Variants in SKI observed in about 807,000 individuals in gnomAD.
SKI encodes ski oncogene.
A neutral mutation model predicts 59.3 loss-of-function variants in SKI; 23 were observed. The observed-to-expected ratio is 0.39, with a 90% CI of 0.28 to 0.55. SKI has a LOEUF of 0.55. Ranked by LOEUF, SKI falls within the 20% of genes least tolerant of loss-of-function variation. The pLI, the probability that SKI is intolerant of heterozygous loss-of-function variation, is 0.67. For synonymous variants in SKI, 673 were observed against 488.6 expected, an observed-to-expected ratio of 1.38 and a Z score of -4.98; for missense variants, 1,017 against 1,038.9, an observed-to-expected ratio of 0.98 and a Z score of 0.29.
chr1:2,300,612 T>C (rs1271757394), intron 1 of SKI, among the ~76,000 whole-genome samples: 1 of 152,088 alleles, frequency 6.6e-6, no homozygotes, highest in African/African-American at 2.4e-5. Context: ...CCTCTGAGAG[T>C]GTCACTTCCT....
intron 6 of SKI, 38 bp downstream of exon 6, chr1:2,306,288 G>C: frequency 2.0e-6 from 3 of 1,500,656 alleles, no homozygotes; most frequent in Non-Finnish European, 2.7e-6. Flanking sequence ...CAGCACGGTG[G>C]GCGTGGAGCC....
Position 2,308,505 on chromosome 1 carries a change from G to A in SKI, c.*1740G>A, listed in dbSNP as rs1296083036. 6.6e-6 allele frequency: 1 copy of A among 152,218 alleles called. No individual in the cohort carries two copies. The highest frequency in any genetic ancestry group is 2.4e-5 in the African/African-American group (1 of 41,438). The allele number at this position is 152,218 out of a possible 1,614,324, so 9.4% of individuals were successfully genotyped here. A position where few individuals can be genotyped will look rare whatever the true frequency, so the allele number is the denominator to read the frequency against. Reference sequence around the variant, plus strand: ...GCATGGATTCCACACCTCTGCCGTAGGTAGATCCGTCAGCGGGCATTATTA... The same window carrying A: ...GCATGGATTCCACACCTCTGCCGTAAGTAGATCCGTCAGCGGGCATTATTA... On this transcript the variant is annotated 3_prime_UTR_variant, in exon 7 of 7. Transcript: ENST00000378536.
At chr1:2,259,592 G>T (rs746276934) in intron 1 of SKI, among the ~76,000 whole-genome samples, 19 of 152,296 alleles carry the variant, frequency 1.2e-4, no homozygotes, top group Non-Finnish European at 2.1e-4. Flanking sequence ...TATATTTAAA[G>T]ATACAGTTAG....
chr1:2,228,951 C>T lies in SKI; in HGVS notation c.185C>T (p.Ala62Val). Reference protein sequence around the residue: ...AKEAGAAAVPAPVPAATEPPP... With the variant: ...AKEAGAAAVPVPVPAATEPPP... Reference sequence around the variant, plus strand: ...GAGGCGGGCGCGGCCGCGGTGCCGGCGCCGGTGCCCGCAGCCACCGAGCCG... The same window carrying T: ...GAGGCGGGCGCGGCCGCGGTGCCGGTGCCGGTGCCCGCAGCCACCGAGCCG... The change falls in exon 1 of 7, where the codon GCG becomes GTG. Residue 62 changes from alanine to valine, a missense_variant. Physicochemically the swap from Ala to Val is moderately conservative, Grantham distance 64 (BLOSUM62 0). Coordinates refer to ENST00000378536, the MANE Select transcript of SKI (RefSeq NM_003036.4). 1.4e-6 allele frequency: 2 copies of T among 1,396,834 alleles called. No homozygotes were observed. Among genetic ancestry groups the T allele is most frequent in the South Asian group, 2.9e-5 (2 of 67,826 alleles). 86.5% of individuals were successfully genotyped at this position (1,396,834 alleles called of 1,614,324 possible). A position where few individuals can be genotyped will look rare whatever the true frequency, so the allele number is the denominator to read the frequency against.
chr1:2,274,334 T>G (rs1639695862), intron 1 of SKI, among the ~76,000 whole-genome samples: 1 of 152,122 alleles, frequency 6.6e-6, no homozygotes, highest in Admixed American at 6.6e-5. Flanking sequence ...CGGCTCACGG[T>G]TCTTCTCTCT....
rs1323542608 is a variant in SKI at position 2,269,143 on chromosome 1, C to T, written c.970-33835C>T. 6.6e-6 allele frequency among the ~76,000 whole-genome samples: 1 copy of T among 152,124 alleles called. No homozygotes were observed. The highest frequency in any genetic ancestry group is 1.5e-5 in the Non-Finnish European group (1 of 68,024). On this transcript the variant is annotated intron_variant, in intron 1 of 6. Transcript: ENST00000378536. The surrounding 1 kb of genome is among the most constrained non-coding windows in gnomAD (Gnocchi z 4.7). ...TATTTTTTGGGTAGAGATGGGGTCT[C>T]GCCATGTTGTCCAGGCTGGTCTAGA...
At chr1:2,240,503 GGGTGGTGGCT>G in intron 1 of SKI, 1 of 985,444 alleles carries the variant, frequency 1.0e-6, no homozygotes, top group Non-Finnish European at 1.2e-6. Context: ...GGGTGGTGGC[GGGTGGTGGCT>G]GGTTGTGGGG....
chr1:2,306,921 G>C lies in SKI; in HGVS notation c.*156G>C. ...GAGTGTTTGTAACCATGTAGTTTTG[G>C]AACCCACTGCAAAATTTTCTACTGG... On this transcript the variant is annotated 3_prime_UTR_variant, in exon 7 of 7. Coordinates refer to ENST00000378536, the MANE Select transcript of SKI (RefSeq NM_003036.4). 2.1e-6 allele frequency: 1 copy of C among 486,216 alleles called. No individual in the cohort carries two copies. The highest frequency in any genetic ancestry group is 3.1e-6 in the Non-Finnish European group (1 of 318,574). 30.1% of individuals were successfully genotyped at this position (486,216 alleles called of 1,614,324 possible).
chr1:2,243,672 G>T (rs1306306860), intron 1 of SKI, among the ~76,000 whole-genome samples: 1 of 152,192 alleles, frequency 6.6e-6, no homozygotes, highest in African/African-American at 2.4e-5. Context: ...AACACTCCCT[G>T]TCATCGGTCT....
At chr1:2,306,373 C>T in intron 6 of SKI, 123 bp downstream of exon 6, 18 of 1,059,222 alleles carry the variant, frequency 1.7e-5, no homozygotes, top group Middle Eastern at 3.1e-4. Flanking sequence ...GACCACGTTC[C>T]GTGCGTGCCC....
intron 1 of SKI, among the ~76,000 whole-genome samples, chr1:2,265,656 T>G (rs1261517179): frequency 6.6e-6 from 1 of 152,126 alleles, no homozygotes; most frequent in Non-Finnish European, 1.5e-5. Context: ...CCTGTTTGGG[T>G]GCTGAATGTT....
chr1:2,293,106 C>T (rs1007103974), intron 1 of SKI, among the ~76,000 whole-genome samples: 3 of 152,184 alleles, frequency 2.0e-5, no homozygotes, highest in Non-Finnish European at 4.4e-5. Flanking sequence ...AACCTGAAGT[C>T]CCACAAGGAC....
intron 1 of SKI, among the ~76,000 whole-genome samples, chr1:2,239,454 G>A (rs1454063448): frequency 6.6e-6 from 1 of 152,232 alleles, no homozygotes; most frequent in South Asian, 2.1e-4. Flanking sequence ...TGCCTCGTGC[G>A]TGGTCTTGAG....
intron 1 of SKI, among the ~76,000 whole-genome samples, chr1:2,290,418 CCTGAGCACCTCT>C (rs1640135964): frequency 6.6e-6 from 1 of 152,206 alleles, no homozygotes; most frequent in Admixed American, 6.5e-5. Flanking sequence ...CACTGCTCAG[CCTGAGCACCTCT>C]CTGGCTGTTT....
intron 1 of SKI, among the ~76,000 whole-genome samples, chr1:2,272,554 C>T (rs936940745): frequency 2.0e-5 from 3 of 152,216 alleles, no homozygotes; most frequent in South Asian, 2.1e-4. Context: ...TGCCAAGGCT[C>T]GGGGAAGCCC....
At chr1:2,299,385 G>A (rs1038830406) in intron 1 of SKI, among the ~76,000 whole-genome samples, 3 of 152,218 alleles carry the variant, frequency 2.0e-5, no homozygotes, top group Non-Finnish European at 2.9e-5. Context: ...TCGGTGCCCT[G>A]GGAGGAGCTG....
Position 2,229,375 on chromosome 1 carries a change from G to C in SKI, c.609G>C (p.Leu203=). The change falls in exon 1 of 7, where the codon CTG becomes CTC. Residue 203 remains leucine (L), a synonymous_variant. Transcript: ENST00000378536. This position sits in a 1 kb window ranked among gnomAD's most constrained non-coding sequence, Gnocchi z 6.3. ...GAYPPPCKKE[L]AASLALGLEL... ...ACCCGCCGCCCTGCAAGAAGGAGCT[G>C]GCCGCCAGCCTGGCGCTGGGCCTGG... 1 of 1,602,026 alleles carries C rather than the reference G, an allele frequency of 6.2e-7. No individual in the cohort carries two copies. Among genetic ancestry groups the C allele is most frequent in the South Asian group, 1.1e-5 (1 of 90,050 alleles).
At position 2,241,602 on chromosome 1, in the gene SKI, C is replaced by T. The variant is rs565735576; in HGVS notation, c.969+11867C>T. On this transcript the variant is annotated intron_variant, in intron 1 of 6. Coordinates refer to ENST00000378536, the MANE Select transcript of SKI (RefSeq NM_003036.4). ...TAGAGACGGGGTTTTACCGTTTTAG[C>T]CAGGATGGTCTCGATCTCCTGACCT... Among the ~76,000 whole-genome samples, 3 of 152,092 alleles carry T rather than the reference C, an allele frequency of 2.0e-5. No individual in the cohort carries two copies. In the South Asian group the frequency reaches 6.2e-4, roughly 32 times the overall value.
intron 1 of SKI, among the ~76,000 whole-genome samples, chr1:2,241,493 C>T (rs768335344): frequency 7.9e-5 from 12 of 152,072 alleles, no homozygotes; most frequent in African/African-American, 1.2e-4. Flanking sequence ...CCCGGGTTCA[C>T]GCCATTCTCC....
Sources: gnomAD v4.1 joint callset for allele counts (sites outside exome capture counted in the v4.1 genomes callset) on GRCh38, gnomAD v4.1.1 for gene constraint, Gnocchi (gnomAD v3.1) non-coding constraint, MANE v1.5 for transcripts, NCBI Gene and HGNC (gene_info 2026-07-23, HGNC 2026-07-21) for gene names.